The following GALNT14 variants were observed in gnomAD, a reference collection of about 807,000 sequenced individuals.
GALNT14 encodes the protein UDP-GalNAc:polypeptide N-acetylgalactosaminyltransferase 14.
Under a neutral mutation model 77.5 loss-of-function variants are expected in GALNT14, and 60 were observed. The ratio of observed to expected loss-of-function variants is 0.77; its 90% CI spans 0.63 to 0.96. The LOEUF (loss-of-function observed/expected upper bound fraction) is 0.96, where lower values mean the gene tolerates loss of function less well. GALNT14 is among the 40% of genes least tolerant of loss of function. The probability of loss-of-function intolerance (pLI) is 0.00; values close to 1 mark genes in which losing one functional copy is unlikely to be tolerated. For missense variants in GALNT14, 710 were observed against 731.0 expected, an observed-to-expected ratio of 0.97 and a Z score of 0.33; for synonymous variants, 280 against 281.7, an observed-to-expected ratio of 0.99 and a Z score of 0.06.
intron 3 of GALNT14, among the ~76,000 whole-genome samples, chr2:30,959,406 C>T (rs921859514): frequency 2.0e-5 from 3 of 152,122 alleles, no homozygotes; most frequent in African/African-American, 7.2e-5. Context: ...ACTATTCCCT[C>T]GAGGGATATT....
At position 30,992,787 on chromosome 2, in the gene GALNT14, G is replaced by T. The variant is rs1669785137; in HGVS notation, c.299+51C>A. 6.9e-6 allele frequency: 11 copies of T among 1,587,752 alleles called. No individual in the cohort carries two copies. The East Asian group carries it at 2.5e-4, about 36-fold the overall frequency. On this transcript the variant is annotated intron_variant, in intron 2 of 14. Coordinates refer to ENST00000349752, the MANE Select transcript of GALNT14 (RefSeq NM_024572.4). ...CAGCAGGCCCCAGATCAAGCCTGCT[G>T]TTGATCTCTTTTGACTGCGGGGGTA...
intron 1 of GALNT14, among the ~76,000 whole-genome samples, chr2:31,121,551 C>T (rs1196203941): frequency 3.3e-5 from 5 of 152,126 alleles, no homozygotes; most frequent in Admixed American, 1.3e-4. Context: ...AATAAGCAAA[C>T]GGCTTTATTT....
intron 8 of GALNT14, 37 bp downstream of exon 8, chr2:30,944,821 T>A (rs1377600596): frequency 1.2e-5 from 18 of 1,481,666 alleles, no homozygotes; most frequent in Non-Finnish European, 1.5e-5. Context: ...CCAGTGGTGA[T>A]GGTCTGCCCA....
At chr2:30,897,800 G>A in the GALNT14 span, among the ~76,000 whole-genome samples, 1 of 152,156 alleles carries the variant, frequency 6.6e-6, no homozygotes, top group Admixed American at 6.5e-5. Context: ...AACCAGCAGG[G>A]GACACCATTC....
intron 1 of GALNT14, among the ~76,000 whole-genome samples, chr2:31,027,276 A>G (rs1672117380): frequency 6.6e-6 from 1 of 152,152 alleles, no homozygotes; most frequent in Non-Finnish European, 1.5e-5. Flanking sequence ...TATTAAATAC[A>G]AAAAAATTAG....
At chr2:31,102,554 A>G (rs531088903) in intron 1 of GALNT14, among the ~76,000 whole-genome samples, 1 of 152,272 alleles carries the variant, frequency 6.6e-6, no homozygotes, top group South Asian at 2.1e-4. Context: ...TATTGAGGTT[A>G]TCTATGTTCC....
intron 4 of GALNT14, among the ~76,000 whole-genome samples, chr2:30,957,899 T>C (rs1289717318): frequency 6.6e-6 from 1 of 152,220 alleles, no homozygotes; most frequent in Non-Finnish European, 1.5e-5. Context: ...GCTTCAACTA[T>C]TACTGTACAT....
intron 9 of GALNT14, among the ~76,000 whole-genome samples, chr2:30,940,783 C>T (rs1220252012): frequency 6.6e-6 from 1 of 152,210 alleles, no homozygotes; most frequent in Non-Finnish European, 1.5e-5. Flanking sequence ...TCGAACCCCA[C>T]ACCAACAGCC....
the GALNT14 span, among the ~76,000 whole-genome samples, chr2:30,902,693 T>A: frequency 6.6e-6 from 1 of 151,816 alleles, no homozygotes; most frequent in South Asian, 2.1e-4. Context: ...CAAGGAATAG[T>A]TTTTCAATCA....
At chr2:30,921,798 C>T (rs539579335) in intron 13 of GALNT14, among the ~76,000 whole-genome samples, 11 of 152,270 alleles carry the variant, frequency 7.2e-5, no homozygotes, top group African/African-American at 2.4e-4. Flanking sequence ...ATGTGTGAGA[C>T]ACTTTTGATG....
chr2:31,033,244 T>C (rs1021014949), intron 1 of GALNT14, among the ~76,000 whole-genome samples: 1 of 152,118 alleles, frequency 6.6e-6, no homozygotes, highest in Admixed American at 6.5e-5. Flanking sequence ...TCACGTGTGG[T>C]ATAGCTCCCC....
intron 2 of GALNT14, among the ~76,000 whole-genome samples, chr2:30,966,998 G>T: frequency 6.6e-6 from 1 of 152,246 alleles, no homozygotes; most frequent in Middle Eastern, 3.4e-3. Context: ...AAATAAACCC[G>T]CCAAGTGAGG....
chr2:30,988,723 A>G (rs977311606), intron 2 of GALNT14, among the ~76,000 whole-genome samples: 1 of 152,146 alleles, frequency 6.6e-6, no homozygotes, highest in Non-Finnish European at 1.5e-5. Flanking sequence ...TCTAAACTTG[A>G]GCCGGCATCA....
chr2:31,080,730 T>C (rs576817481), intron 1 of GALNT14, among the ~76,000 whole-genome samples: 148 of 152,334 alleles, frequency 9.7e-4, no homozygotes, highest in Admixed American at 3.1e-3. Context: ...AGTTTGAGGA[T>C]GGAACTTGGA....
the GALNT14 span, among the ~76,000 whole-genome samples, chr2:30,889,175 C>T: frequency 2.0e-5 from 3 of 152,094 alleles, no homozygotes; most frequent in East Asian, 1.9e-4. Flanking sequence ...CTGTGCAGCA[C>T]GACCAAAATA....
At position 30,911,033 on chromosome 2, in the gene GALNT14, G is replaced by A. The variant is rs565883379; in HGVS notation, c.1527C>T (p.Ile509=). The A allele has an allele frequency of 1.9e-5, 31 of 1,613,882 alleles. No individual in the cohort carries two copies. The highest frequency in any genetic ancestry group is 4.5e-5 in the East Asian group (2 of 44,864). The change falls in exon 15 of 15, where the codon ATC becomes ATT. Residue 509 remains isoleucine, a synonymous_variant. Transcript: ENST00000349752. ...GGCAGAGGTGGGATGCTATGTGCTC[G>A]ATGTGGGAACCAGTTTTGGTCCATT... The part of the protein sequence containing the change: ...RQQWTKTGSH[I]EHIASHLCLD...
chr2:31,096,737 C>T (rs1040207900), intron 1 of GALNT14, among the ~76,000 whole-genome samples: 3 of 152,056 alleles, frequency 2.0e-5, no homozygotes, highest in Non-Finnish European at 4.4e-5. Flanking sequence ...TAATACATGC[C>T]CTAAATGAAA....
chr2:31,054,986 G>A (rs866172090), intron 1 of GALNT14, among the ~76,000 whole-genome samples: 2 of 152,302 alleles, frequency 1.3e-5, no homozygotes, highest in African/African-American at 2.4e-5. Flanking sequence ...CTATTTCCTG[G>A]GTGGCTAGGC....
chr2:30,921,579 C>T (rs1384473138), intron 13 of GALNT14, among the ~76,000 whole-genome samples: 1 of 152,160 alleles, frequency 6.6e-6, no homozygotes, highest in Admixed American at 6.5e-5. Context: ...GCCTCAAGTA[C>T]CAAGGCCAAG....
Sources: gnomAD v4.1 joint callset for allele counts (sites outside exome capture counted in the v4.1 genomes callset) on GRCh38, gnomAD v4.1.1 for gene constraint, MANE v1.5 for transcripts, NCBI Gene and HGNC (gene_info 2026-07-23, HGNC 2026-07-21) for gene names.